Variants in RPS27 observed in about 807,000 individuals in gnomAD.
RPS27 encodes small ribosomal subunit protein eS27.
Under a neutral mutation model 11.8 loss-of-function variants are expected in RPS27, and 1 was observed. The observed-to-expected ratio is 0.08, with a 90% CI of 0.03 to 0.40. RPS27 has a LOEUF of 0.40. RPS27 is among the 10% of genes least tolerant of loss of function. RPS27 has a pLI of 0.98. For synonymous variants in RPS27, 42 were observed against 33.8 expected (o/e 1.24, Z -0.84); for missense variants, 44 against 100.1 (o/e 0.44, Z 2.39).
chr1:153,990,956 A>C, intron 1 of RPS27, 154 bp downstream of exon 1: 4 of 1,275,866 alleles, frequency 3.1e-6, no homozygotes, highest in Non-Finnish European at 4.5e-6. Flanking sequence ...GGCCACCCGC[A>C]TAGACGGGAG....
At chr1:153,991,534 G>C (rs768647872) in intron 2 of RPS27, 32 bp from the exon 3 acceptor site, 1 of 1,542,126 alleles carries the variant, frequency 6.5e-7, no homozygotes, top group South Asian at 1.1e-5. Flanking sequence ...GGGTGTAATA[G>C]AGGAAAAAAA....
chr1:153,990,945 G>T (rs1649362800), intron 1 of RPS27, 143 bp downstream of exon 1: 1 of 1,324,782 alleles, frequency 7.5e-7, no homozygotes, highest in Non-Finnish European at 1.1e-6. Flanking sequence ...AGCGGCCCAC[G>T]GGCCACCCGC....
In RPS27 at chr1:153,991,596, A is replaced by G. The variant is rs758495666; in HGVS notation, c.146A>G (p.His49Arg). 2 of 1,613,478 alleles carry G rather than the reference A, an allele frequency of 1.2e-6. No individual in the cohort carries two copies. The highest frequency in any genetic ancestry group is 1.7e-5 in the Admixed American group (1 of 59,978). Residue 49 changes from histidine (H) to arginine (R), a missense_variant, in exon 3 of 4, where the codon CAT becomes CGT. By Grantham distance (29) the His-to-Arg change is conservative. Transcript: ENST00000651669. ...TATAAAATCACCACGGTCTTTAGCC[A>G]TGCACAAACGGTAGTTTTGTGTGTT... ...GCYKITTVFS[H>R]AQTVVLCVGC...
In RPS27 at chr1:153,992,092, A is replaced by G; in HGVS notation, c.254A>G (p.Ter85=). ...EGCSFRRKQH[*] is the part of the protein sequence containing the mutation. ...TGTTCCTTCAGGAGGAAGCAGCACT[A>G]AAAGCACTCTGAGTCAAGATGAGTG... is the stretch of plus-strand genomic sequence containing the variant. The change falls in exon 4 of 4, where the codon TAA becomes TGA. Residue 85 remains the stop codon, a stop_retained_variant. Coordinates refer to ENST00000651669, the MANE Select transcript of RPS27 (RefSeq NM_001030.6). The G allele has an allele frequency of 6.2e-7, 1 of 1,611,626 alleles. No homozygotes were observed. Among genetic ancestry groups the G allele is most frequent in the South Asian group, 1.1e-5 (1 of 91,032 alleles).
In RPS27 at chr1:153,990,787, A is replaced by C. The variant is rs115756915; in HGVS notation, c.-10A>C. 9 of 1,614,206 alleles carry C rather than the reference A, an allele frequency of 5.6e-6. No individual in the cohort carries two copies. Among genetic ancestry groups the C allele is most frequent in the Admixed American group, 3.3e-5 (2 of 60,020 alleles). Reference sequence around the variant, plus strand: ...CCTTTCCGGCGGTGACGACCTACGCACACGAGAACATGCCTGTGAGTGCTT... The same window carrying C: ...CCTTTCCGGCGGTGACGACCTACGCCCACGAGAACATGCCTGTGAGTGCTT... On this transcript the variant is annotated 5_prime_UTR_variant, in exon 1 of 4. Coordinates refer to ENST00000651669, the MANE Select transcript of RPS27 (RefSeq NM_001030.6).
At chr1:153,990,927 G>A (rs1649360864) in intron 1 of RPS27, 125 bp downstream of exon 1, 5 of 1,437,210 alleles carry the variant, frequency 3.5e-6, no homozygotes, top group Admixed American at 1.7e-5. Flanking sequence ...ATTAACTCCA[G>A]GGACCGCAGC....
intron 3 of RPS27, 168 bp downstream of exon 3, chr1:153,991,844 G>A (rs1557896230): frequency 3.0e-6 from 2 of 675,888 alleles, no homozygotes; most frequent in East Asian, 2.6e-5. Flanking sequence ...CAAAAGCTAT[G>A]TATTAATCTC....
chr1:153,990,929 G>A (rs1649361503), intron 1 of RPS27, 127 bp downstream of exon 1: 10 of 1,420,504 alleles, frequency 7.0e-6, no homozygotes, highest in Admixed American at 1.7e-5. Flanking sequence ...TAACTCCAGG[G>A]ACCGCAGCGG....
At chr1:153,991,756 T>A in intron 3 of RPS27, 80 bp downstream of exon 3, 1 of 943,122 alleles carries the variant, frequency 1.1e-6, no homozygotes, top group Non-Finnish European at 1.7e-6. Context: ...TTTTCGGTCT[T>A]AACAGTGACA....
chr1:153,992,011 G>C, intron 3 of RPS27, 54 bp from the exon 4 acceptor site: 2 of 1,548,274 alleles, frequency 1.3e-6, no homozygotes, highest in African/African-American at 2.7e-5. Context: ...TTTGGGAGAG[G>C]TGGGCAGAAT....
chr1:153,991,716 AT>A, intron 3 of RPS27, 40 bp downstream of exon 3: 1 of 1,273,962 alleles, frequency 7.8e-7, no homozygotes, highest in Non-Finnish European at 1.1e-6. Flanking sequence ...TTTGAGTTTG[AT>A]TTTTAGAAAT....
chr1:153,991,502 T>C lies in RPS27; in HGVS notation c.116-64T>C. ...GGAAACAATGTAATGGATGATGAGTTGGGCATAAGTGCAGGAAAGACGGGT... is the reference window on the plus strand; with the variant it reads ...GGAAACAATGTAATGGATGATGAGTCGGGCATAAGTGCAGGAAAGACGGGT... On this transcript the variant is annotated intron_variant, in intron 2 of 3. Transcript: ENST00000651669. 3 of 1,376,420 alleles carry C rather than the reference T, an allele frequency of 2.2e-6. No homozygotes were observed. The South Asian group carries it at 3.6e-5, about 16-fold the overall frequency. The allele number at this position is 1,376,420 out of a possible 1,614,324, so 85.3% of individuals were successfully genotyped here.
intron 2 of RPS27, 143 bp from the exon 3 acceptor site, chr1:153,991,423 T>A: frequency 7.2e-7 from 1 of 1,396,374 alleles, no homozygotes. Flanking sequence ...GTGATTCATT[T>A]CACCGTGATC....
chr1:153,991,092 C>A (rs888304390), intron 1 of RPS27, 23 bp from the exon 2 acceptor site: 1 of 1,522,684 alleles, frequency 6.6e-7, no homozygotes, highest in South Asian at 1.2e-5. Flanking sequence ...GTTTCTAAAT[C>A]TCTGCATTTC....
intron 2 of RPS27, 86 bp from the exon 3 acceptor site, chr1:153,991,480 A>T: frequency 7.3e-7 from 1 of 1,369,184 alleles, no homozygotes; most frequent in Admixed American, 1.9e-5. Context: ...TGTGTTGGGA[A>T]ACAATGTAAT....
At chr1:153,990,865 G>A (rs1557895425) in intron 1 of RPS27, 63 bp downstream of exon 1, 7 of 1,606,816 alleles carry the variant, frequency 4.4e-6, no homozygotes, top group Non-Finnish European at 5.1e-6. Flanking sequence ...CTCCCCTCAC[G>A]CTGATTTCGG....
intron 3 of RPS27, 126 bp from the exon 4 acceptor site, chr1:153,991,939 G>A: frequency 1.1e-6 from 1 of 883,592 alleles, no homozygotes; most frequent in Admixed American, 1.9e-5. Flanking sequence ...AAATGCGCAG[G>A]TAGCTAAGAG....
rs767710269 is a variant in RPS27 at position 153,990,767 on chromosome 1, C to T, written c.-30C>T. The T allele has an allele frequency of 3.2e-5, 52 of 1,614,072 alleles. No individual in the cohort carries two copies. The highest frequency in any genetic ancestry group is 1.1e-4 in the African/African-American group (8 of 74,926). ...GCAGGATTTCCGCTTTCGCTCCTTT[C>T]CGGCGGTGACGACCTACGCACACGA... On this transcript the variant is annotated 5_prime_UTR_variant, in exon 1 of 4. Coordinates refer to ENST00000651669, the MANE Select transcript of RPS27 (RefSeq NM_001030.6).
At chr1:153,990,852 A>C (rs752482735) in intron 1 of RPS27, 50 bp downstream of exon 1, 5 of 1,611,708 alleles carry the variant, frequency 3.1e-6, no homozygotes, top group Non-Finnish European at 4.2e-6. Context: ...TTCTGTCCGA[A>C]CTCTCCCCTC....
Sources: allele counts gnomAD v4.1 joint callset, GRCh38; gene constraint gnomAD v4.1.1; transcripts MANE v1.5; gene names NCBI Gene and HGNC (gene_info 2026-07-23, HGNC 2026-07-21).